Variants in LINGO2 observed in about 807,000 individuals in gnomAD.
LINGO2 encodes the protein leucine-rich repeat and immunoglobulin-like domain-containing nogo receptor-interacting protein 2.
A neutral mutation model predicts 30.6 loss-of-function variants in LINGO2; 14 were observed. The ratio of observed to expected loss-of-function variants is 0.46; its 90% CI spans 0.30 to 0.72. LINGO2 has a LOEUF of 0.72. Ranked by LOEUF, LINGO2 falls within the 30% of genes least tolerant of loss-of-function variation. The pLI is 0.07. For missense variants in LINGO2, 729 were observed against 751.7 expected, an observed-to-expected ratio of 0.97 and a Z score of 0.35; for synonymous variants, 317 against 288.5, an observed-to-expected ratio of 1.10 and a Z score of -1.00.
the LINGO2 span, among the ~76,000 whole-genome samples, chr9:28,774,351 C>G: frequency 1.2e-4 from 19 of 152,128 alleles, no homozygotes; most frequent in African/African-American, 4.1e-4. Context: ...ACATGTTTTG[C>G]ATTTTTTGTT....
chr9:29,063,778 C>T, the LINGO2 span, among the ~76,000 whole-genome samples: 1 of 152,096 alleles, frequency 6.6e-6, no homozygotes, highest in Admixed American at 6.6e-5. Flanking sequence ...CAGGCTTTTA[C>T]TTTTCATTGT....
chr9:28,197,279 G>A (rs866580062), intron 4 of LINGO2, among the ~76,000 whole-genome samples: 1 of 151,614 alleles, frequency 6.6e-6, no homozygotes. Context: ...AAGGATTCCT[G>A]GAAAATTCTA....
At chr9:29,108,614 C>A in the LINGO2 span, among the ~76,000 whole-genome samples, 1 of 152,158 alleles carries the variant, frequency 6.6e-6, no homozygotes, top group African/African-American at 2.4e-5. Context: ...GGTAAATATT[C>A]AAATTAGATC....
intron 3 of LINGO2, among the ~76,000 whole-genome samples, chr9:28,324,623 A>C (rs898329919): frequency 6.6e-6 from 1 of 152,172 alleles, no homozygotes; most frequent in Non-Finnish European, 1.5e-5. Flanking sequence ...ATGTATTAGC[A>C]TGCTGAAAGA....
At chr9:28,767,210 G>A in the LINGO2 span, among the ~76,000 whole-genome samples, 1 of 152,042 alleles carries the variant, frequency 6.6e-6, no homozygotes, top group African/African-American at 2.4e-5. Context: ...ATTATATACT[G>A]AAAACTTGCT....
the LINGO2 span, among the ~76,000 whole-genome samples, chr9:28,891,320 C>T: frequency 6.6e-6 from 1 of 151,822 alleles, no homozygotes; most frequent in Non-Finnish European, 1.5e-5. Flanking sequence ...AATGTGGATA[C>T]TAGTAGTACC....
chr9:28,072,655 A>AT (rs1309740380), intron 4 of LINGO2, among the ~76,000 whole-genome samples: 2 of 152,124 alleles, frequency 1.3e-5, no homozygotes, highest in Non-Finnish European at 2.9e-5. Flanking sequence ...TCTCCCTCTG[A>AT]TTTTTTTATT....
chr9:28,189,629 GAGGGAGGAAGGA>G (rs1564029349), intron 4 of LINGO2, among the ~76,000 whole-genome samples: 65 of 4,984 alleles, frequency 0.013, 2 homozygotes, highest in East Asian at 0.02. Context: ...GGGAGGAAGG[GAGGGAGGAAGGA>G]AGGGAGGGAG....
intron 1 of LINGO2, among the ~76,000 whole-genome samples, chr9:28,556,207 T>A (rs1452868258): frequency 1.3e-5 from 2 of 151,976 alleles, no homozygotes; most frequent in African/African-American, 4.8e-5. Flanking sequence ...AGTCAAATTG[T>A]CCCTGTTTGC....
At chr9:27,993,636 A>G (rs1282963943) in intron 5 of LINGO2, among the ~76,000 whole-genome samples, 1 of 152,182 alleles carries the variant, frequency 6.6e-6, no homozygotes, top group Non-Finnish European at 1.5e-5. Context: ...TCCTCTTTTT[A>G]GAATGCCTGC....
chr9:28,118,012 A>G (rs1826983191), intron 4 of LINGO2, among the ~76,000 whole-genome samples: 1 of 152,282 alleles, frequency 6.6e-6, no homozygotes, highest in African/African-American at 2.4e-5. Flanking sequence ...TGTCTTACTT[A>G]TAAGTGGGAG....
chr9:29,023,600 T>TA, the LINGO2 span, among the ~76,000 whole-genome samples: 2 of 152,118 alleles, frequency 1.3e-5, no homozygotes, highest in African/African-American at 4.8e-5. Context: ...TACCTAAATA[T>TA]AAAATTGTTT....
the LINGO2 span, among the ~76,000 whole-genome samples, chr9:28,903,393 A>G: frequency 6.6e-6 from 1 of 152,232 alleles, no homozygotes; most frequent in Admixed American, 6.5e-5. Context: ...AAAGTCTTCC[A>G]TCATAGAACA....
chr9:28,061,856 CT>C (rs1322849424), intron 4 of LINGO2, among the ~76,000 whole-genome samples: 13 of 152,072 alleles, frequency 8.5e-5, no homozygotes, highest in Non-Finnish European at 1.9e-4. Flanking sequence ...GTTTTCACAT[CT>C]GTAAAATGAG....
intron 1 of LINGO2, among the ~76,000 whole-genome samples, chr9:28,597,678 C>T (rs1486392000): frequency 6.6e-6 from 1 of 152,158 alleles, no homozygotes; most frequent in Non-Finnish European, 1.5e-5. Flanking sequence ...CATAGAAGTA[C>T]AGCTTCCATG....
At chr9:28,544,550 A>G (rs1367771436) in intron 1 of LINGO2, among the ~76,000 whole-genome samples, 1 of 152,094 alleles carries the variant, frequency 6.6e-6, no homozygotes, top group Non-Finnish European at 1.5e-5. Context: ...TGCATTTGCA[A>G]AGGACCTACC....
rs370858459 is a variant in LINGO2, at chr9:28,019,330, T to C, written c.-86-6925A>G. 2.5e-4 allele frequency among the ~76,000 whole-genome samples: 38 copies of C among 150,438 alleles called. No homozygotes were observed. In the East Asian group the frequency reaches 5.7e-3, roughly 22 times the overall value. On this transcript the variant is annotated intron_variant, in intron 4 of 5. Transcript: ENST00000379992. Reference sequence around the variant, plus strand: ...CTAGGGGAATATATGTTTTTTTTTTTCCATTCCTTAGTAATGGATTAGCAA... The same window carrying C: ...CTAGGGGAATATATGTTTTTTTTTTCCCATTCCTTAGTAATGGATTAGCAA...
chr9:28,341,855 CACCACAT>C (rs1193320923), intron 3 of LINGO2, among the ~76,000 whole-genome samples: 1 of 152,186 alleles, frequency 6.6e-6, no homozygotes, highest in East Asian at 1.9e-4. Context: ...GGAAATAAAA[CACCACAT>C]ACCCACAATG....
the LINGO2 span, among the ~76,000 whole-genome samples, chr9:28,723,051 T>C: frequency 6.6e-6 from 1 of 152,238 alleles, no homozygotes; most frequent in South Asian, 2.1e-4. Flanking sequence ...AGCATGATTC[T>C]TTTTGAAAGC....
Sources: gnomAD v4.1 joint callset for allele counts (sites outside exome capture counted in the v4.1 genomes callset) on GRCh38, gnomAD v4.1.1 for gene constraint, MANE v1.5 for transcripts, NCBI Gene and HGNC (gene_info 2026-07-23, HGNC 2026-07-21) for gene names.